Variants in LRRFIP2 observed in about 807,000 individuals in gnomAD.
The protein encoded by LRRFIP2 is LRR binding FLII interacting protein 2.
In LRRFIP2, 109 loss-of-function variants were observed where a neutral mutation model predicts 125.9. The observed-to-expected ratio is 0.87, with a 90% confidence interval of 0.74 to 1.01. LRRFIP2 has a LOEUF of 1.01. Ranked by LOEUF, LRRFIP2 falls within the 50% of genes least tolerant of loss-of-function variation. The pLI, the probability that LRRFIP2 is intolerant of heterozygous loss-of-function variation, is 0.00. For missense variants in LRRFIP2, 850 were observed against 862.3 expected, an observed-to-expected ratio of 0.99 and a Z score of 0.18; for synonymous variants, 291 against 293.1, an observed-to-expected ratio of 0.99 and a Z score of 0.07.
intron 9 of LRRFIP2, among the ~76,000 whole-genome samples, chr3:37,110,460 C>T (rs2094508555): frequency 6.6e-6 from 1 of 152,106 alleles, no homozygotes; most frequent in South Asian, 2.1e-4. Flanking sequence ...CTTAATGTGT[C>T]TTAAATGTAT....
At chr3:37,154,879 T>C (rs1203290076) in intron 1 of LRRFIP2, among the ~76,000 whole-genome samples, 2 of 152,244 alleles carry the variant, frequency 1.3e-5, no homozygotes, top group East Asian at 3.8e-4. Flanking sequence ...TCCTGATAGA[T>C]AGTTCTTTTA....
chr3:37,148,215 C>A (rs997399559), intron 2 of LRRFIP2, among the ~76,000 whole-genome samples: 2 of 151,916 alleles, frequency 1.3e-5, no homozygotes, highest in African/African-American at 4.8e-5. Flanking sequence ...ACTCAAGTAA[C>A]CCATAAAAAT....
intron 1 of LRRFIP2, among the ~76,000 whole-genome samples, chr3:37,164,373 C>G (rs990533354): frequency 4.6e-5 from 7 of 152,098 alleles, no homozygotes; most frequent in Non-Finnish European, 8.8e-5. Flanking sequence ...ACCAGTAAGT[C>G]CCACCATCCG....
intron 18 of LRRFIP2, among the ~76,000 whole-genome samples, chr3:37,088,606 G>A (rs1389365935): frequency 6.6e-6 from 1 of 150,786 alleles, no homozygotes; most frequent in African/African-American, 2.4e-5. Context: ...GAGCCCAGGA[G>A]TTCAAGACCA....
At chr3:37,088,530 G>A (rs2093229680) in intron 18 of LRRFIP2, among the ~76,000 whole-genome samples, 1 of 151,558 alleles carries the variant, frequency 6.6e-6, no homozygotes, top group South Asian at 2.1e-4. Flanking sequence ...AAAAGCGAAG[G>A]GGTCAAGCAT....
chr3:37,103,142 T>C, intron 14 of LRRFIP2, 129 bp from the exon 15 acceptor site: 1 of 603,322 alleles, frequency 1.7e-6, no homozygotes, highest in South Asian at 2.2e-5. Flanking sequence ...AGAAATAAAA[T>C]GAGGAAACTG....
At chr3:37,083,835 TATCTAA>T (rs758482220) in intron 18 of LRRFIP2, 29 bp from the exon 19 acceptor site, 1 of 1,530,266 alleles carries the variant, frequency 6.5e-7, no homozygotes, top group South Asian at 1.2e-5. Context: ...ATCAGTCTGA[TATCTAA>T]AATGTTAATT....
At chr3:37,138,545 T>G (rs913956618) in intron 2 of LRRFIP2, among the ~76,000 whole-genome samples, 3 of 152,224 alleles carry the variant, frequency 2.0e-5, no homozygotes, top group African/African-American at 7.2e-5. Context: ...ACTTTAAGTA[T>G]ATAGTAGTTC....
At chr3:37,065,738 C>A (rs952704129) in intron 23 of LRRFIP2, 72 bp downstream of exon 23, 15 of 1,600,688 alleles carry the variant, frequency 9.4e-6, no homozygotes, top group Middle Eastern at 1.7e-4. Context: ...GTTTTCCAAG[C>A]TGGGATATGA....
At chr3:37,085,245 C>G (rs142259918) in intron 18 of LRRFIP2, among the ~76,000 whole-genome samples, 43 of 152,270 alleles carry the variant, frequency 2.8e-4, no homozygotes, top group Admixed American at 7.2e-4. Context: ...TGCGGTGCCT[C>G]ATGCCTGTAA....
chr3:37,168,155 T>C (rs1416234922), intron 1 of LRRFIP2, among the ~76,000 whole-genome samples: 1 of 152,114 alleles, frequency 6.6e-6, no homozygotes, highest in Non-Finnish European at 1.5e-5. Flanking sequence ...AATTTGGTAA[T>C]TATCAAATTA....
chr3:37,089,310 C>A (rs1441767023), intron 18 of LRRFIP2, among the ~76,000 whole-genome samples: 1 of 151,932 alleles, frequency 6.6e-6, no homozygotes, highest in African/African-American at 2.4e-5. Context: ...TATATATACA[C>A]ATATATACAC....
intron 18 of LRRFIP2, among the ~76,000 whole-genome samples, chr3:37,085,679 T>G (rs1317360119): frequency 6.6e-6 from 1 of 151,550 alleles, no homozygotes. Flanking sequence ...CCTCCCGGGT[T>G]CACGCGATTC....
chr3:37,081,074 G>A (rs2092601722), intron 19 of LRRFIP2, among the ~76,000 whole-genome samples: 1 of 152,120 alleles, frequency 6.6e-6, no homozygotes, highest in Admixed American at 6.6e-5. Context: ...GGGCAATACA[G>A]CAAGGCCCCA....
intron 8 of LRRFIP2, among the ~76,000 whole-genome samples, chr3:37,112,652 T>C (rs2094595400): frequency 6.6e-6 from 1 of 152,306 alleles, no homozygotes; most frequent in African/African-American, 2.4e-5. Flanking sequence ...ATTCTTGAGG[T>C]ATATTCCAAA....
Position 37,055,182 on chromosome 3 carries a change from C to A in LRRFIP2, c.1871-17G>T. ...TGGCATCTCCTAGAACAGAAGAAGA[C>A]AATGAATTATCTTCACCTGTCAGAG... On this transcript the variant is annotated splice_polypyrimidine_tract_variant and intron_variant, in intron 25 of 27. Coordinates refer to ENST00000336686, the MANE Select transcript of LRRFIP2 (RefSeq NM_006309.4). 1 of 1,479,166 alleles carries A rather than the reference C, an allele frequency of 6.8e-7. No homozygotes were observed. The highest frequency in any genetic ancestry group is 9.2e-7 in the Non-Finnish European group (1 of 1,082,494). 91.6% of individuals were successfully genotyped at this position (1,479,166 alleles called of 1,614,324 possible).
intron 1 of LRRFIP2, among the ~76,000 whole-genome samples, chr3:37,169,983 A>G (rs1414277262): frequency 6.6e-6 from 1 of 152,148 alleles, no homozygotes; most frequent in Non-Finnish European, 1.5e-5. Flanking sequence ...AAAGGAAGGC[A>G]GAGACAGAGA....
intron 2 of LRRFIP2, among the ~76,000 whole-genome samples, chr3:37,132,436 T>C (rs1318514341): frequency 6.6e-6 from 1 of 152,184 alleles, no homozygotes; most frequent in Non-Finnish European, 1.5e-5. Flanking sequence ...ATCTATTCTT[T>C]AATAAGACAT....
At chr3:37,141,551 T>C (rs1283249969) in intron 2 of LRRFIP2, among the ~76,000 whole-genome samples, 1 of 152,178 alleles carries the variant, frequency 6.6e-6, no homozygotes, top group Non-Finnish European at 1.5e-5. Flanking sequence ...AAACCAAACA[T>C]TTATTTCGCA....
Sources: gnomAD v4.1 joint callset for allele counts (sites outside exome capture counted in the v4.1 genomes callset) on GRCh38, gnomAD v4.1.1 for gene constraint, MANE v1.5 for transcripts, NCBI Gene and HGNC (gene_info 2026-07-23, HGNC 2026-07-21) for gene names.